SLC35F2: variants seen among roughly 807,000 people sequenced by gnomAD.
SLC35F2 encodes the protein solute carrier family 35 member F2.
Under a neutral mutation model 38.1 loss-of-function variants are expected in SLC35F2, and 25 were observed. That is an observed-to-expected ratio of 0.66 (90% CI 0.48 to 0.92). The LOEUF (loss-of-function observed/expected upper bound fraction) is 0.92, where lower values mean the gene tolerates loss of function less well. Among genes scored for constraint, SLC35F2 ranks in the 40% least tolerant of loss-of-function variants. SLC35F2 has a pLI of 0.00. For missense variants in SLC35F2, 409 were observed against 452.9 expected (o/e 0.90, Z 0.88); for synonymous variants, 173 against 181.7 (o/e 0.95, Z 0.38).
At chr11:107,855,990 A>C (rs7109214) in intron 1 of SLC35F2, among the ~76,000 whole-genome samples, 65,821 of 150,516 alleles carry the variant, frequency 0.44, 14,470 homozygotes, top group Admixed American at 0.54. Flanking sequence ...CTGTAATCCT[A>C]GCTACTCAGG....
chr11:107,835,476 G>A (rs952273952), intron 1 of SLC35F2, among the ~76,000 whole-genome samples: 1 of 150,604 alleles, frequency 6.6e-6, no homozygotes, highest in East Asian at 1.9e-4. Flanking sequence ...GGTTTCTGTC[G>A]CCCAAACTGG....
At chr11:107,803,471 ATGCCT>A in intron 6 of SLC35F2, 1 of 980,498 alleles carries the variant, frequency 1.0e-6, no homozygotes, top group Non-Finnish European at 1.2e-6. Context: ...CAGGACAGCG[ATGCCT>A]GTGATAAAAG....
intron 1 of SLC35F2, among the ~76,000 whole-genome samples, chr11:107,848,140 T>A (rs1350829743): frequency 6.6e-6 from 1 of 152,148 alleles, no homozygotes; most frequent in Non-Finnish European, 1.5e-5. Context: ...TTGCACAGTA[T>A]TACAAATGTA....
chr11:107,800,130 C>T (rs550627485), intron 7 of SLC35F2, among the ~76,000 whole-genome samples: 26 of 149,232 alleles, frequency 1.7e-4, no homozygotes, highest in South Asian at 6.5e-4. Context: ...CCTCGTGATC[C>T]GCCCGCCTCG....
chr11:107,843,886 T>A lies in SLC35F2; in HGVS notation c.110+14772A>T, dbSNP rs1440383447. 9.8e-3 allele frequency among the ~76,000 whole-genome samples: 656 copies of A among 67,102 alleles called. 44 individuals carry two copies. Among genetic ancestry groups the A allele is most frequent in the African/African-American group, 0.021 (422 of 20,512 alleles). The allele number at this position is 67,102 out of a possible 152,430, so 44.0% of individuals were successfully genotyped here. On this transcript the variant is annotated intron_variant, in intron 1 of 7. Coordinates refer to ENST00000525815, the MANE Select transcript of SLC35F2 (RefSeq NM_017515.5). ...AAAAAAAAATATATATATATATATATATATATATATATATATATATATGTA... is the reference window on the plus strand; with the variant it reads ...AAAAAAAAATATATATATATATATAAATATATATATATATATATATATGTA...
intron 3 of SLC35F2, chr11:107,810,902 T>C (rs1237168687): frequency 1.0e-6 from 1 of 980,806 alleles, no homozygotes; most frequent in African/African-American, 1.7e-5. Flanking sequence ...GAAAGGGACA[T>C]ATCAAAAAGT....
intron 1 of SLC35F2, among the ~76,000 whole-genome samples, chr11:107,838,400 C>T (rs370212396): frequency 6.6e-6 from 1 of 152,346 alleles, no homozygotes; most frequent in East Asian, 1.9e-4. Flanking sequence ...TCTCGGCTCA[C>T]TGCAACCTCC....
chr11:107,795,143 T>A (rs1403403521), intron 7 of SLC35F2, among the ~76,000 whole-genome samples: 1 of 152,144 alleles, frequency 6.6e-6, no homozygotes, highest in Admixed American at 6.5e-5. Context: ...TTCAGTGCAA[T>A]CCCTATCAAA....
intron 2 of SLC35F2, among the ~76,000 whole-genome samples, chr11:107,813,870 G>T (rs942466677): frequency 1.3e-5 from 2 of 152,036 alleles, no homozygotes; most frequent in Non-Finnish European, 2.9e-5. Flanking sequence ...TCATCGTGTT[G>T]CCCAGGCTTG....
intron 6 of SLC35F2, among the ~76,000 whole-genome samples, chr11:107,804,102 C>T (rs1471616799): frequency 2.4e-4 from 37 of 151,608 alleles, no homozygotes; most frequent in Non-Finnish European, 7.4e-5. Context: ...TCCCAAAGTG[C>T]TGGGATTACG....
chr11:107,826,977 T>C (rs1859762235), intron 1 of SLC35F2, among the ~76,000 whole-genome samples: 1 of 152,124 alleles, frequency 6.6e-6, no homozygotes, highest in South Asian at 2.1e-4. Context: ...TGGTTTTCAG[T>C]GCTATGTCCC....
At chr11:107,807,059 G>A (rs1006948846) in intron 3 of SLC35F2, among the ~76,000 whole-genome samples, 183 bp from the exon 4 acceptor site, 36 of 151,974 alleles carry the variant, frequency 2.4e-4, no homozygotes, top group South Asian at 6.2e-4. Flanking sequence ...AATTCCATGA[G>A]ACTGAAATTA....
chr11:107,799,844 C>A (rs1404537706), intron 7 of SLC35F2, among the ~76,000 whole-genome samples: 1 of 147,450 alleles, frequency 6.8e-6, no homozygotes, highest in Non-Finnish European at 1.5e-5. Context: ...CAGGCGTGAG[C>A]CCCTGTGCCC....
chr11:107,792,503 A>T lies in SLC35F2; in HGVS notation c.*112T>A. Reference sequence around the variant, plus strand: ...TTCTAAAACCTAACCACTGGATCCAACCCAGGGTTGTAGAGTGTCCATTCT... The same window carrying T: ...TTCTAAAACCTAACCACTGGATCCATCCCAGGGTTGTAGAGTGTCCATTCT... On this transcript the variant is annotated 3_prime_UTR_variant, in exon 8 of 8. Coordinates refer to ENST00000525815, the MANE Select transcript of SLC35F2 (RefSeq NM_017515.5). The T allele has an allele frequency of 7.8e-7, 1 of 1,282,798 alleles. No individual in the cohort carries two copies. Among genetic ancestry groups the T allele is most frequent in the Non-Finnish European group, 1.0e-6 (1 of 957,368 alleles). The allele number at this position is 1,282,798 out of a possible 1,614,324, so 79.5% of individuals were successfully genotyped here.
chr11:107,858,582 T>C lies in SLC35F2; in HGVS notation c.110+76A>G, dbSNP rs1860335666. On this transcript the variant is annotated intron_variant, in intron 1 of 7. Transcript: ENST00000525815. ...CTGCTGGGGGCCTCAGAGAGTGTGC[T>C]CCTTGTCCACGTGCGCGCAGGGCCC... The C allele has an allele frequency of 5.8e-6, 7 of 1,211,208 alleles. No individual in the cohort carries two copies. In the Admixed American group the frequency reaches 2.1e-4, roughly 37 times the overall value. The allele number at this position is 1,211,208 out of a possible 1,614,324, so 75.0% of individuals were successfully genotyped here.
chr11:107,858,769 G>A lies in SLC35F2; in HGVS notation c.-2C>T, dbSNP rs1208353869. The A allele has an allele frequency of 2.4e-6, 3 of 1,260,296 alleles. No homozygotes were observed. The highest frequency in any genetic ancestry group is 3.0e-5 in the East Asian group (1 of 32,918). The allele number at this position is 1,260,296 out of a possible 1,614,324, so 78.1% of individuals were successfully genotyped here. ...GCCCGCTGGCGAGTCTGCCTCCATCGGCGCCCTTGCGCGTCTCCGGCGCCC... is the reference window on the plus strand; with the variant it reads ...GCCCGCTGGCGAGTCTGCCTCCATCAGCGCCCTTGCGCGTCTCCGGCGCCC... On this transcript the variant is annotated 5_prime_UTR_variant, in exon 1 of 8. Transcript: ENST00000525815.
intron 1 of SLC35F2, among the ~76,000 whole-genome samples, chr11:107,827,004 T>TGTATATACATATTGATATATGAATATC (rs1565435750): frequency 3.3e-5 from 5 of 152,172 alleles, no homozygotes; most frequent in Non-Finnish European, 7.3e-5. Context: ...ATATGAATAT[T>TGTATATACATATTGATATATGAATATC]GTATATACAT....
At chr11:107,832,913 C>T (rs898459437) in intron 1 of SLC35F2, among the ~76,000 whole-genome samples, 3 of 152,192 alleles carry the variant, frequency 2.0e-5, no homozygotes, top group Non-Finnish European at 2.9e-5. Flanking sequence ...ATCCTTGTGG[C>T]TAATTTGGAT....
chr11:107,810,025 C>A lies in SLC35F2; in HGVS notation c.414+1642G>T, dbSNP rs1859458422. 3 of 985,248 alleles carry A rather than the reference C, an allele frequency of 3.0e-6. No individual in the cohort carries two copies. The South Asian group carries it at 1.4e-4, about 46-fold the overall frequency. 61.0% of individuals were successfully genotyped at this position (985,248 alleles called of 1,614,324 possible). On this transcript the variant is annotated intron_variant, in intron 3 of 7. Coordinates refer to ENST00000525815, the MANE Select transcript of SLC35F2 (RefSeq NM_017515.5). ...CCATGACTGTTGGTAATTACAGAAC[C>A]TTCTAAGGAATCCTTAAGAAGAAGG...
Sources: allele counts gnomAD v4.1 joint callset (sites outside exome capture counted in the v4.1 genomes callset), GRCh38; gene constraint gnomAD v4.1.1; transcripts MANE v1.5; gene names NCBI Gene and HGNC (gene_info 2026-07-23, HGNC 2026-07-21).